LARP4B: variants seen among roughly 807,000 people sequenced by gnomAD.
LARP4B encodes la-related protein 4B.
Under a neutral mutation model 89.8 loss-of-function variants are expected in LARP4B, and 12 were observed. The ratio of observed to expected loss-of-function variants is 0.13; its 90% CI spans 0.09 to 0.22. LARP4B has a LOEUF of 0.22. LARP4B is among the 10% of genes least tolerant of loss of function. The pLI is 1.00. For synonymous variants in LARP4B, 367 were observed against 363.3 expected, an observed-to-expected ratio of 1.01 and a Z score of -0.12; for missense variants, 757 against 947.7, an observed-to-expected ratio of 0.80 and a Z score of 2.64.
rs1835836738 is a variant in LARP4B at position 885,652 on chromosome 10, T to C, written c.70A>G (p.Ser24Gly). 8 of 1,613,996 alleles carry C rather than the reference T, an allele frequency of 5.0e-6. No homozygotes were observed. The East Asian group carries it at 1.3e-4, about 27-fold the overall frequency. ...QTQRVQEGKDSAHLMNGPISQ... is the reference protein window; with the variant it reads ...QTQRVQEGKDGAHLMNGPISQ... ...TCGACAGCACCCACCAGATGAGCGCTGTCCTTGCCCTCCTGGACTCTCTGC... is the reference window on the plus strand; with the variant it reads ...TCGACAGCACCCACCAGATGAGCGCCGTCCTTGCCCTCCTGGACTCTCTGC... Residue 24 changes from serine to glycine, a missense_variant, in exon 2 of 18, where the codon AGC (serine) becomes GGC (glycine). Around this residue, in one of 5 missense-constraint regions of LARP4B, gnomAD observed 175 missense variants for 187.0 expected, o/e 0.94. Transcript: ENST00000316157.
chr10:952,339 CAAAAAAAA>C, the LARP4B span, among the ~76,000 whole-genome samples: 5 of 16,948 alleles, frequency 3.0e-4, no homozygotes, highest in Non-Finnish European at 4.0e-4. Flanking sequence ...GACTCCATCT[CAAAAAAAA>C]AAAAAAAAAA....
At chr10:955,457 A>G in the LARP4B span, among the ~76,000 whole-genome samples, 2 of 152,160 alleles carry the variant, frequency 1.3e-5, no homozygotes, top group African/African-American at 4.8e-5. This position sits in a 1 kb window ranked among gnomAD's most constrained non-coding sequence, Gnocchi z 5.2. Context: ...GCTTCCTGAG[A>G]TGACTCCCTG....
chr10:939,808 A>G, the LARP4B span, among the ~76,000 whole-genome samples: 1 of 152,156 alleles, frequency 6.6e-6, no homozygotes, highest in Non-Finnish European at 1.5e-5. Flanking sequence ...CAAAGTGGAC[A>G]TTGTTTTTAA....
the LARP4B span, chr10:971,065 G>A: frequency 6.6e-6 from 1 of 152,210 alleles, no homozygotes; most frequent in East Asian, 1.9e-4. Context: ...CAGTCCCTCT[G>A]GCAGTTCTGC....
At chr10:920,652 G>A (rs1836953664) in intron 1 of LARP4B, among the ~76,000 whole-genome samples, 1 of 152,036 alleles carries the variant, frequency 6.6e-6, no homozygotes, top group Non-Finnish European at 1.5e-5. Context: ...CGTGCCTGTA[G>A]TCCTGGCTAC....
chr10:822,061 G>T lies in LARP4B; in HGVS notation c.1485-1216C>A, dbSNP rs79300181. ...TGGACAGCCACCCCAGTACACACCTGGCTCAGCACCACTCCCTAATAGGGG... is the reference window on the plus strand; with the variant it reads ...TGGACAGCCACCCCAGTACACACCTTGCTCAGCACCACTCCCTAATAGGGG... On this transcript the variant is annotated intron_variant, in intron 13 of 17. Coordinates refer to ENST00000316157, the MANE Select transcript of LARP4B (RefSeq NM_015155.3). This position sits in a 1 kb window ranked among gnomAD's most constrained non-coding sequence, Gnocchi z 4.6. 3.4e-3 allele frequency among the ~76,000 whole-genome samples: 511 copies of T among 152,318 alleles called. 4 individuals carry two copies. Among genetic ancestry groups the T allele is most frequent in the African/African-American group, 0.011 (477 of 41,564 alleles).
intron 1 of LARP4B, among the ~76,000 whole-genome samples, chr10:928,912 G>C (rs1837225398): frequency 6.6e-6 from 1 of 152,128 alleles, no homozygotes; most frequent in South Asian, 2.1e-4. Flanking sequence ...ATAATGTGAA[G>C]ACTGCTTCAT....
At chr10:903,952 A>AT (rs900245515) in intron 1 of LARP4B, among the ~76,000 whole-genome samples, 59 of 152,242 alleles carry the variant, frequency 3.9e-4, no homozygotes, top group African/African-American at 1.4e-3. Flanking sequence ...CCATGAAATG[A>AT]TACATAAATT....
chr10:985,972 C>T, the LARP4B span: 1 of 152,228 alleles, frequency 6.6e-6, no homozygotes, highest in African/African-American at 2.4e-5. Context: ...GCATGTGACT[C>T]GTTCTGAATG....
At chr10:820,922 A>G in intron 13 of LARP4B, 77 bp from the exon 14 acceptor site, 1 of 1,245,770 alleles carries the variant, frequency 8.0e-7, no homozygotes, top group Admixed American at 1.8e-5. Context: ...TTGCACTCAC[A>G]TAATCAAAGT....
At chr10:821,944 C>T (rs34251037) in intron 13 of LARP4B, among the ~76,000 whole-genome samples, 16,841 of 152,134 alleles carry the variant, frequency 0.11, 1,183 homozygotes, top group Non-Finnish European at 0.16. Flanking sequence ...TCCTGACAAC[C>T]CAACCTCCTG....
intron 5 of LARP4B, among the ~76,000 whole-genome samples, chr10:858,312 T>G (rs549953110): frequency 3.0e-4 from 45 of 152,260 alleles, no homozygotes; most frequent in African/African-American, 1.1e-3. Flanking sequence ...GGGCAGTCTT[T>G]TCAATAAATA....
chr10:976,329 C>T, the LARP4B span, among the ~76,000 whole-genome samples: 45 of 150,322 alleles, frequency 3.0e-4, no homozygotes, highest in Middle Eastern at 3.5e-3. Context: ...CGTGTGGACC[C>T]GGCCTAGTAG....
intron 1 of LARP4B, among the ~76,000 whole-genome samples, chr10:888,284 G>C (rs369962920): frequency 6.6e-6 from 1 of 151,168 alleles, no homozygotes; most frequent in African/African-American, 2.4e-5. Context: ...ATCACACCAC[G>C]GCACTCCAGC....
chr10:940,087 G>C, the LARP4B span, among the ~76,000 whole-genome samples: 5 of 125,954 alleles, frequency 4.0e-5, no homozygotes, highest in African/African-American at 1.5e-4. Flanking sequence ...GTGCGATCTC[G>C]GCTCACCGCA....
intron 1 of LARP4B, among the ~76,000 whole-genome samples, chr10:910,862 C>T (rs1476094163): frequency 6.6e-6 from 1 of 152,186 alleles, no homozygotes; most frequent in African/African-American, 2.4e-5. Flanking sequence ...GCACACAGCC[C>T]TTTTGCTCCT....
At chr10:907,196 G>T (rs1381487974) in intron 1 of LARP4B, among the ~76,000 whole-genome samples, 1 of 152,136 alleles carries the variant, frequency 6.6e-6, no homozygotes, top group Admixed American at 6.5e-5. Context: ...GTTCACTGTT[G>T]TATCCCTAAC....
chr10:850,580 A>G (rs909347855), intron 5 of LARP4B, among the ~76,000 whole-genome samples: 4 of 152,222 alleles, frequency 2.6e-5, no homozygotes, highest in Admixed American at 1.3e-4. Context: ...CAGAAATCAG[A>G]AAGAGTACAT....
chr10:833,010 C>T (rs116029757), intron 8 of LARP4B, among the ~76,000 whole-genome samples: 23 of 152,122 alleles, frequency 1.5e-4, no homozygotes, highest in African/African-American at 5.1e-4. Context: ...TGTGTGACAA[C>T]AGCACAGGCT....
Sources: allele counts gnomAD v4.1 joint callset (sites outside exome capture counted in the v4.1 genomes callset), GRCh38; gene constraint gnomAD v4.1.1; regional missense constraint gnomAD v4.1.1; non-coding constraint Gnocchi (gnomAD v3.1); transcripts MANE v1.5; gene names NCBI Gene and HGNC (gene_info 2026-07-23, HGNC 2026-07-21).